TOM1L2: variants seen among roughly 807,000 people sequenced by gnomAD.
TOM1L2 encodes target of myb1 like 2 membrane trafficking protein.
In TOM1L2, 31 loss-of-function variants were observed where a neutral mutation model predicts 67.9. That is an observed-to-expected ratio of 0.46 (90% CI 0.34 to 0.62). The LOEUF is 0.62. Among genes scored for constraint, TOM1L2 ranks in the 20% least tolerant of loss-of-function variants. The pLI is 0.01. For missense variants in TOM1L2, 606 were observed against 663.5 expected (o/e 0.91, Z 0.95); for synonymous variants, 256 against 254.0 (o/e 1.01, Z -0.07).
chr17:17,919,992 C>T (rs558002116), intron 1 of TOM1L2, among the ~76,000 whole-genome samples: 2 of 152,212 alleles, frequency 1.3e-5, no homozygotes, highest in African/African-American at 4.8e-5. Flanking sequence ...TCCTGGTAAG[C>T]CTGGCCTTGG....
intron 1 of TOM1L2, among the ~76,000 whole-genome samples, chr17:17,947,006 T>C (rs1372043993): frequency 6.6e-6 from 1 of 152,112 alleles, no homozygotes; most frequent in Non-Finnish European, 1.5e-5. Context: ...ATTACAGGCG[T>C]ACGCCACCGT....
intron 12 of TOM1L2, among the ~76,000 whole-genome samples, chr17:17,857,275 A>G (rs903914960): frequency 6.6e-6 from 1 of 152,194 alleles, no homozygotes; most frequent in Non-Finnish European, 1.5e-5. Context: ...AAGAGGTTTC[A>G]AATCATTTTG....
At chr17:17,893,978 C>A (rs937752225) in intron 3 of TOM1L2, among the ~76,000 whole-genome samples, 168 bp from the exon 4 acceptor site, 1 of 152,210 alleles carries the variant, frequency 6.6e-6, no homozygotes, top group Non-Finnish European at 1.5e-5. Context: ...CATTCCCACA[C>A]TCCATTCTCC....
chr17:17,861,564 AAGC>A lies in TOM1L2; in HGVS notation c.1203-16_1203-14del. The A allele has an allele frequency of 2.5e-6, 4 of 1,613,390 alleles. No homozygotes were observed. The highest frequency in any genetic ancestry group is 3.4e-6 in the Non-Finnish European group (4 of 1,179,490). On this transcript the variant is annotated splice_polypyrimidine_tract_variant and intron_variant, in intron 11 of 14. Coordinates refer to ENST00000379504, the MANE Select transcript of TOM1L2 (RefSeq NM_001082968.2). ...CTCATAGGTTACCCTGGAGATGAAG[AAGC>A]AGCACAAGCAGAGTTCATTTTCCTC...
chr17:17,865,895 C>T (rs1043325663), intron 10 of TOM1L2, among the ~76,000 whole-genome samples: 1 of 151,258 alleles, frequency 6.6e-6, no homozygotes, highest in Non-Finnish European at 1.5e-5. Context: ...CAGGTGCCCA[C>T]CATGCGCAGC....
chr17:17,847,760 TTTC>T lies in TOM1L2; in HGVS notation c.1396_1398del (p.Glu466del). ...GGAACCATTTCAGCAGCTTTGGCTC[TTTC>T]TTCAAGGAATTTATCAAACTCTGCA... On this transcript the variant is annotated inframe_deletion, in exon 15 of 15. Coordinates refer to ENST00000379504, the MANE Select transcript of TOM1L2 (RefSeq NM_001082968.2). 6.2e-7 allele frequency: 1 copy of T among 1,614,108 alleles called. No individual in the cohort carries two copies. Among genetic ancestry groups the T allele is most frequent in the Non-Finnish European group, 8.5e-7 (1 of 1,180,004 alleles).
chr17:17,960,926 G>T lies in TOM1L2; in HGVS notation c.52+11336C>A, dbSNP rs552362910. On this transcript the variant is annotated intron_variant, in intron 1 of 14. Coordinates refer to ENST00000379504, the MANE Select transcript of TOM1L2 (RefSeq NM_001082968.2). ...GACACGGAAGGTACAAGCAACAAAA[G>T]AAAAAGTAGAGAAACTGGACTTAAA... 3.9e-5 allele frequency among the ~76,000 whole-genome samples: 6 copies of T among 152,210 alleles called. 1 individual carries two copies. The South Asian group carries it at 6.2e-4, about 16-fold the overall frequency.
intron 1 of TOM1L2, among the ~76,000 whole-genome samples, chr17:17,965,401 A>G (rs1356731274): frequency 1.3e-5 from 2 of 152,144 alleles, no homozygotes; most frequent in African/African-American, 4.8e-5. Flanking sequence ...CTTAACATCC[A>G]GCATTTGCTC....
intron 2 of TOM1L2, among the ~76,000 whole-genome samples, chr17:17,902,003 C>T (rs1465757963): frequency 6.6e-6 from 1 of 152,136 alleles, no homozygotes; most frequent in Non-Finnish European, 1.5e-5. Flanking sequence ...ATGGTGAAAC[C>T]CTGTCTCTAC....
Position 17,869,320 on chromosome 17 carries a change from A to G in TOM1L2, c.911+20T>C, listed in dbSNP as rs1005925228. The G allele has an allele frequency of 3.7e-6, 6 of 1,608,122 alleles. No individual in the cohort carries two copies. Among genetic ancestry groups the G allele is most frequent in the Non-Finnish European group, 3.4e-6 (4 of 1,179,674 alleles). Reference sequence around the variant, plus strand: ...AATCTTTTCAAGGGAAAAAAAAAAAAAAAGAAATCCGGCTCCCACCTCTCG... The same window carrying G: ...AATCTTTTCAAGGGAAAAAAAAAAAGAAAGAAATCCGGCTCCCACCTCTCG... On this transcript the variant is annotated intron_variant, in intron 8 of 14. Coordinates refer to ENST00000379504, the MANE Select transcript of TOM1L2 (RefSeq NM_001082968.2).
At chr17:17,914,633 G>T (rs775780909) in intron 1 of TOM1L2, among the ~76,000 whole-genome samples, 1 of 152,132 alleles carries the variant, frequency 6.6e-6, no homozygotes, top group Non-Finnish European at 1.5e-5. Context: ...TTCTGTAACT[G>T]CCAGCCTGGT....
At chr17:17,891,964 C>T (rs907604031) in intron 4 of TOM1L2, among the ~76,000 whole-genome samples, 3 of 147,646 alleles carry the variant, frequency 2.0e-5, no homozygotes, top group African/African-American at 7.5e-5. Flanking sequence ...ACTGAACACC[C>T]GCTCTACACA....
chr17:17,926,471 A>G lies in TOM1L2; in HGVS notation c.53-18940T>C, dbSNP rs117416477. ...TTCACATTCCAAAGCCAAATACAAT[A>G]GGGTTCTAGATCATCTGGGAAATTA... On this transcript the variant is annotated intron_variant, in intron 1 of 14. Transcript: ENST00000379504. Among the ~76,000 whole-genome samples the G allele has an allele frequency of 6.4e-3, 968 of 152,300 alleles. 10 individuals are homozygous for G. The highest frequency in any genetic ancestry group is 0.057 in the East Asian group (295 of 5,184).
intron 1 of TOM1L2, among the ~76,000 whole-genome samples, chr17:17,956,775 C>G (rs1194626988): frequency 6.6e-6 from 1 of 152,226 alleles, no homozygotes; most frequent in Non-Finnish European, 1.5e-5. Flanking sequence ...GTGCTGGGCC[C>G]GCTGAGCTCA....
At chr17:17,969,057 CTT>C (rs563818412) in intron 1 of TOM1L2, among the ~76,000 whole-genome samples, 35 of 140,614 alleles carry the variant, frequency 2.5e-4, no homozygotes, top group Admixed American at 1.4e-4. Context: ...ACCAGCTCTC[CTT>C]TTTTTTTTTT....
intron 8 of TOM1L2, among the ~76,000 whole-genome samples, chr17:17,867,270 C>T (rs1223110786): frequency 6.6e-6 from 1 of 152,114 alleles, no homozygotes; most frequent in African/African-American, 2.4e-5. Context: ...CTCCCTATTT[C>T]ATAGGGCTGT....
Position 17,845,210 on chromosome 17 carries a change from G to A in TOM1L2, c.*2425C>T, listed in dbSNP as rs893362951. 4 of 152,256 alleles carry A rather than the reference G, an allele frequency of 2.6e-5. No individual in the cohort carries two copies. The highest frequency in any genetic ancestry group is 2.6e-4 in the Admixed American group (4 of 15,292). The allele number at this position is 152,256 out of a possible 1,614,324, so 9.4% of individuals were successfully genotyped here. A position where few individuals can be genotyped will look rare whatever the true frequency, so the allele number is the denominator to read the frequency against. On this transcript the variant is annotated 3_prime_UTR_variant, in exon 15 of 15. Transcript: ENST00000379504. ...GATAGGAGGTGCAAGCAGGCCACCT[G>A]AGGGGTGGCTCCAGGCTAGGAAGGC...
chr17:17,873,491 C>G (rs1420219032), intron 7 of TOM1L2, among the ~76,000 whole-genome samples: 1 of 152,108 alleles, frequency 6.6e-6, no homozygotes, highest in Non-Finnish European at 1.5e-5. Context: ...GCAGAAGCCC[C>G]GAAACAAAGA....
chr17:17,908,849 A>G (rs1165518718), intron 1 of TOM1L2, among the ~76,000 whole-genome samples: 5 of 152,188 alleles, frequency 3.3e-5, no homozygotes, highest in Non-Finnish European at 5.9e-5. Flanking sequence ...GAAATGTAAA[A>G]TGATATAGCT....
Sources: allele counts gnomAD v4.1 joint callset (sites outside exome capture counted in the v4.1 genomes callset), GRCh38; gene constraint gnomAD v4.1.1; transcripts MANE v1.5; gene names NCBI Gene and HGNC (gene_info 2026-07-23, HGNC 2026-07-21).